Variants in JARID2 observed in about 807,000 individuals in gnomAD.
JARID2 encodes the protein jumonji and AT-rich interaction domain containing 2.
In JARID2, 21 loss-of-function variants were observed where a neutral mutation model predicts 125.6. The observed-to-expected ratio is 0.17, with a 90% CI of 0.12 to 0.24. The LOEUF (loss-of-function observed/expected upper bound fraction) is 0.24, where lower values mean the gene tolerates loss of function less well. Ranked by LOEUF, JARID2 falls within the 10% of genes least tolerant of loss-of-function variation. The pLI is 1.00. For synonymous variants in JARID2, 736 were observed against 661.6 expected, an observed-to-expected ratio of 1.11 and a Z score of -1.73; for missense variants, 1,303 against 1,639.6, an observed-to-expected ratio of 0.79 and a Z score of 3.55.
intron 3 of JARID2, among the ~76,000 whole-genome samples, chr6:15,443,442 GATATCTTTCTAAA>G (rs1473815035): frequency 6.6e-6 from 1 of 152,084 alleles, no homozygotes; most frequent in Non-Finnish European, 1.5e-5. Context: ...TTGGAATTGT[GATATCTTTCTAAA>G]ATATATATGA....
chr6:15,414,624 G>A (rs554199512), intron 3 of JARID2, among the ~76,000 whole-genome samples: 8 of 152,288 alleles, frequency 5.3e-5, no homozygotes, highest in Middle Eastern at 3.4e-3. Context: ...TTCAGAATCT[G>A]TCTGCTGTGT....
chr6:15,393,026 A>G (rs908040413), intron 2 of JARID2, among the ~76,000 whole-genome samples: 7 of 152,164 alleles, frequency 4.6e-5, no homozygotes, highest in African/African-American at 1.7e-4. Flanking sequence ...ATGTAAAATT[A>G]AAAAGCCATG....
chr6:15,368,011 A>G (rs1764037753), intron 1 of JARID2, among the ~76,000 whole-genome samples: 1 of 151,792 alleles, frequency 6.6e-6, no homozygotes. Context: ...GCAGAACACC[A>G]TCCTGTAAAG....
intron 14 of JARID2, 49 bp downstream of exon 14, chr6:15,512,439 G>A (rs1771324159): frequency 6.4e-7 from 1 of 1,565,654 alleles, no homozygotes; most frequent in Non-Finnish European, 8.8e-7. Context: ...ATCCCTGTGA[G>A]TGCCGTGCGT....
chr6:15,358,145 A>G (rs888563857), intron 1 of JARID2, among the ~76,000 whole-genome samples: 1 of 152,140 alleles, frequency 6.6e-6, no homozygotes, highest in African/African-American at 2.4e-5. Context: ...GGCTTTTGTA[A>G]GGTGTTCTAA....
At chr6:15,511,531 G>GA in intron 13 of JARID2, 130 bp downstream of exon 13, 1 of 668,756 alleles carries the variant, frequency 1.5e-6, no homozygotes, top group South Asian at 1.7e-5. Context: ...GGTGCAAAGG[G>GA]AAAGGTCCTC....
At chr6:15,345,982 C>T (rs62395379) in intron 1 of JARID2, among the ~76,000 whole-genome samples, 10,160 of 152,162 alleles carry the variant, frequency 0.067, 487 homozygotes, top group Non-Finnish European at 0.093. Context: ...ACATACATTC[C>T]GTAAGTGTTC....
intron 4 of JARID2, among the ~76,000 whole-genome samples, chr6:15,464,449 G>A (rs1423317995): frequency 1.3e-5 from 2 of 152,294 alleles, no homozygotes; most frequent in South Asian, 2.1e-4. Flanking sequence ...TAGGGGAGAT[G>A]CCAGTTGTTC....
chr6:15,310,081 G>A (rs569108815), intron 1 of JARID2, among the ~76,000 whole-genome samples: 13 of 152,290 alleles, frequency 8.5e-5, no homozygotes, highest in East Asian at 1.9e-4. Flanking sequence ...GGCCAGGGAG[G>A]CTTTCCCAGG....
chr6:15,490,920 G>A (rs974210300), intron 6 of JARID2, among the ~76,000 whole-genome samples: 2 of 152,162 alleles, frequency 1.3e-5, no homozygotes, highest in East Asian at 1.9e-4. Context: ...CATTTCTTAC[G>A]CTGAGGCTGA....
intron 3 of JARID2, among the ~76,000 whole-genome samples, chr6:15,434,000 A>G (rs1366728811): frequency 7.0e-6 from 1 of 142,080 alleles, no homozygotes; most frequent in African/African-American, 2.6e-5. Flanking sequence ...GAGAATATGT[A>G]TGTGCCAGTG....
At chr6:15,387,027 G>A (rs9476820) in intron 2 of JARID2, among the ~76,000 whole-genome samples, 61,106 of 152,094 alleles carry the variant, frequency 0.4, 12,321 homozygotes, top group Admixed American at 0.46. Context: ...TTTTTAATCT[G>A]TGAGTATTCG....
chr6:15,408,291 C>T (rs1765732266), intron 2 of JARID2, among the ~76,000 whole-genome samples: 1 of 152,198 alleles, frequency 6.6e-6, no homozygotes, highest in Non-Finnish European at 1.5e-5. Context: ...CAAGACGATA[C>T]ATATTTACGA....
intron 1 of JARID2, among the ~76,000 whole-genome samples, chr6:15,254,603 G>A (rs1581327784): frequency 6.6e-6 from 1 of 152,316 alleles, no homozygotes; most frequent in East Asian, 1.9e-4. Context: ...AGCTGGTGCT[G>A]CCTAAAAGGT....
chr6:15,374,967 T>C (rs780822055), intron 2 of JARID2, among the ~76,000 whole-genome samples: 2 of 152,222 alleles, frequency 1.3e-5, no homozygotes, highest in Non-Finnish European at 2.9e-5. Flanking sequence ...GTGAATGAAT[T>C]GACCATGTTT....
chr6:15,248,894 T>G, intron 1 of JARID2: 1 of 984,568 alleles, frequency 1.0e-6, no homozygotes, highest in Non-Finnish European at 1.2e-6. Flanking sequence ...GGCTGCGGCG[T>G]GGGAGGAGGA....
chr6:15,371,189 A>G (rs1487415672), intron 1 of JARID2, among the ~76,000 whole-genome samples: 3 of 152,146 alleles, frequency 2.0e-5, no homozygotes, highest in Non-Finnish European at 2.9e-5. Flanking sequence ...TTCATCTCAC[A>G]TGGTTTATGT....
chr6:15,496,902 C>T lies in JARID2; in HGVS notation c.1677C>T (p.Val559=). 6.2e-7 allele frequency: 1 copy of T among 1,601,508 alleles called. No individual in the cohort carries two copies. The highest frequency in any genetic ancestry group is 1.3e-5 in the African/African-American group (1 of 74,912). Reference sequence around the variant, plus strand: ...GGGCGGCCATGGACGAGATCCCCGTCCTCAGGCCCTCCGCCAAGGAGTTCC... The same window carrying T: ...GGGCGGCCATGGACGAGATCCCCGTTCTCAGGCCCTCCGCCAAGGAGTTCC... ...AGWAAMDEIP[V]LRPSAKEFHD... The change falls in exon 7 of 18, where the codon GTC becomes GTT. Residue 559 remains valine, a synonymous_variant. Coordinates refer to ENST00000341776, the MANE Select transcript of JARID2 (RefSeq NM_004973.4).
intron 3 of JARID2, among the ~76,000 whole-genome samples, chr6:15,429,780 G>A (rs1396457584): frequency 1.3e-5 from 2 of 151,942 alleles, no homozygotes; most frequent in East Asian, 1.9e-4. Context: ...TTTTGTCTCC[G>A]GCCCTGCGAG....
Sources: allele counts gnomAD v4.1 joint callset (sites outside exome capture counted in the v4.1 genomes callset), GRCh38; gene constraint gnomAD v4.1.1; transcripts MANE v1.5; gene names NCBI Gene and HGNC (gene_info 2026-07-23, HGNC 2026-07-21).